DLG2: variants seen among roughly 807,000 people sequenced by gnomAD.
DLG2 encodes discs large MAGUK scaffold protein 2.
A neutral mutation model predicts 132.5 loss-of-function variants in DLG2; 45 were observed. The ratio of observed to expected loss-of-function variants is 0.34; its 90% CI spans 0.27 to 0.44. DLG2 has a LOEUF of 0.44. DLG2 is among the 20% of genes least tolerant of loss of function. The probability of loss-of-function intolerance (pLI) is 1.00; values close to 1 mark genes in which losing one functional copy is unlikely to be tolerated. For synonymous variants in DLG2, 424 were observed against 419.6 expected, an observed-to-expected ratio of 1.01 and a Z score of -0.13; for missense variants, 1,045 against 1,196.9, an observed-to-expected ratio of 0.87 and a Z score of 1.87.
At position 85,558,068 on chromosome 11, in the gene DLG2, G is replaced by A. The variant is rs139043219; in HGVS notation, c.40+40589C>T. Among the ~76,000 whole-genome samples the A allele has an allele frequency of 5.3e-3, 809 of 151,828 alleles. 5 individuals are homozygous for A. Among genetic ancestry groups the A allele is most frequent in the African/African-American group, 0.019 (769 of 41,492 alleles). On this transcript the variant is annotated intron_variant, in intron 3 of 27. Transcript: ENST00000376104. ...TTAGCAAACTATGCATCCAACAAAG[G>A]TCTAATATCCTGAATCTATAAGGAA...
chr11:84,116,857 A>C (rs1456582732), intron 9 of DLG2, among the ~76,000 whole-genome samples: 3 of 152,210 alleles, frequency 2.0e-5, no homozygotes, highest in Non-Finnish European at 1.5e-5. Context: ...TTGGCTCCCT[A>C]CTGCTTAGGG....
At chr11:84,694,078 TTAA>T (rs1300448183) in intron 6 of DLG2, among the ~76,000 whole-genome samples, 1 of 151,588 alleles carries the variant, frequency 6.6e-6, no homozygotes, top group Admixed American at 6.6e-5. Flanking sequence ...CATCATATTA[TTAA>T]TAATTGTCAC....
intron 6 of DLG2, among the ~76,000 whole-genome samples, chr11:84,968,989 T>A (rs537621316): frequency 1.3e-5 from 2 of 151,742 alleles, no homozygotes; most frequent in South Asian, 4.2e-4. Flanking sequence ...TAGAGCAGTA[T>A]ATATACAATA....
chr11:85,005,210 G>A (rs890629121), intron 6 of DLG2, among the ~76,000 whole-genome samples: 4 of 152,192 alleles, frequency 2.6e-5, no homozygotes, highest in Non-Finnish European at 5.9e-5. Context: ...GGCTATACAG[G>A]CTGTTGTTTG....
At chr11:84,750,987 TTTACCTG>T (rs1303994018) in intron 6 of DLG2, among the ~76,000 whole-genome samples, 2 of 152,236 alleles carry the variant, frequency 1.3e-5, no homozygotes, top group Admixed American at 1.3e-4. Flanking sequence ...AAGTCAAGAA[TTTACCTG>T]TTATTGGCAA....
At chr11:84,820,698 C>G (rs1343831874) in intron 6 of DLG2, among the ~76,000 whole-genome samples, 1 of 151,468 alleles carries the variant, frequency 6.6e-6, no homozygotes, top group Non-Finnish European at 1.5e-5. Flanking sequence ...CATGCAGAAT[C>G]AGTATTTATC....
chr11:84,454,797 T>G (rs1238868166), intron 7 of DLG2, among the ~76,000 whole-genome samples: 1 of 151,410 alleles, frequency 6.6e-6, no homozygotes, highest in Non-Finnish European at 1.5e-5. Flanking sequence ...AAATTTATAG[T>G]GACAGAAAGC....
chr11:85,169,996 G>A (rs2078727758), intron 4 of DLG2, among the ~76,000 whole-genome samples: 1 of 152,152 alleles, frequency 6.6e-6, no homozygotes, highest in Non-Finnish European at 1.5e-5. Context: ...GGGGGGAAAA[G>A]TTTCCCCAAG....
Position 85,598,700 on chromosome 11 carries a change from C to CT in DLG2, c.-5dup. 1 of 1,577,526 alleles carries CT rather than the reference C, an allele frequency of 6.3e-7. No individual in the cohort carries two copies. Among genetic ancestry groups the CT allele is most frequent in the Admixed American group, 1.9e-5 (1 of 53,996 alleles). Reference sequence around the variant, plus strand: ...AGCTGCTCTTAAAGATACCCATCACCTTTTTAACCGCATTTTTCAACAGCT... The same window carrying CT: ...AGCTGCTCTTAAAGATACCCATCACCTTTTTTAACCGCATTTTTCAACAGCT... On this transcript the variant is annotated 5_prime_UTR_variant, in exon 3 of 28. Coordinates refer to ENST00000376104, the MANE Select transcript of DLG2 (RefSeq NM_001142699.3).
chr11:85,298,474 A>G (rs1471149670), intron 3 of DLG2, among the ~76,000 whole-genome samples: 1 of 152,186 alleles, frequency 6.6e-6, no homozygotes, highest in Non-Finnish European at 1.5e-5. Context: ...AAAAGATCAC[A>G]GCCTCACTTC....
chr11:85,428,980 T>C (rs957159179), intron 3 of DLG2, among the ~76,000 whole-genome samples: 3 of 151,974 alleles, frequency 2.0e-5, no homozygotes, highest in Non-Finnish European at 4.4e-5. Flanking sequence ...CAAACTACCA[T>C]CAGAGAATAC....
intron 21 of DLG2, among the ~76,000 whole-genome samples, chr11:83,517,567 G>A (rs960194855): frequency 6.6e-6 from 1 of 152,208 alleles, no homozygotes; most frequent in Non-Finnish European, 1.5e-5. Context: ...CTGGTGAGGA[G>A]CTGCGTTCCT....
At chr11:84,841,163 C>T (rs867404434) in intron 6 of DLG2, among the ~76,000 whole-genome samples, 30 of 151,682 alleles carry the variant, frequency 2.0e-4, no homozygotes, top group Admixed American at 4.6e-4. Flanking sequence ...AAAATAACAC[C>T]ATATATGTTC....
chr11:84,942,610 A>T (rs2049597927), intron 6 of DLG2, among the ~76,000 whole-genome samples: 1 of 152,158 alleles, frequency 6.6e-6, no homozygotes, highest in African/African-American at 2.4e-5. Flanking sequence ...ACAATTTTTT[A>T]AAATTTTTTA....
At chr11:85,193,882 C>T (rs1446595294) in intron 4 of DLG2, among the ~76,000 whole-genome samples, 1 of 152,170 alleles carries the variant, frequency 6.6e-6, no homozygotes, top group Non-Finnish European at 1.5e-5. Context: ...CTATGTGGTT[C>T]AAATGCAGTG....
chr11:84,317,750 C>T (rs1393211024), intron 7 of DLG2, among the ~76,000 whole-genome samples: 1 of 152,124 alleles, frequency 6.6e-6, no homozygotes, highest in Non-Finnish European at 1.5e-5. Context: ...GACACAGACC[C>T]AGTCATGAAG....
chr11:84,533,044 C>T (rs1295827879), intron 7 of DLG2, among the ~76,000 whole-genome samples: 1 of 151,802 alleles, frequency 6.6e-6, no homozygotes, highest in Non-Finnish European at 1.5e-5. Context: ...TTTTGTTTAC[C>T]CTTCTGCGGA....
intron 18 of DLG2, among the ~76,000 whole-genome samples, chr11:83,718,611 G>A (rs2087466552): frequency 1.3e-5 from 2 of 151,626 alleles, no homozygotes; most frequent in African/African-American, 4.8e-5. Context: ...CTTGATGGCT[G>A]GAAGATTGAG....
At chr11:85,398,468 C>CA (rs1337207174) in intron 3 of DLG2, among the ~76,000 whole-genome samples, 2 of 151,830 alleles carry the variant, frequency 1.3e-5, no homozygotes, top group East Asian at 1.9e-4. Flanking sequence ...AAAAAATCTT[C>CA]AAAAAATCAA....
Sources: allele counts gnomAD v4.1 joint callset (sites outside exome capture counted in the v4.1 genomes callset), GRCh38; gene constraint gnomAD v4.1.1; transcripts MANE v1.5; gene names NCBI Gene and HGNC (gene_info 2026-07-23, HGNC 2026-07-21).